FUT9: variants seen among roughly 807,000 people sequenced by gnomAD.
FUT9 encodes fucosyltransferase 9, also known as 4-galactosyl-N-acetylglucosaminide 3-alpha-L-fucosyltransferase 9.
In FUT9, 15 loss-of-function variants were observed where a neutral mutation model predicts 29.7. That is an observed-to-expected ratio of 0.51 (90% CI 0.34 to 0.78). FUT9 has a LOEUF of 0.78. Ranked by LOEUF, FUT9 falls within the 30% of genes least tolerant of loss-of-function variation. The pLI is 0.01. For missense variants in FUT9, 319 were observed against 425.4 expected, an observed-to-expected ratio of 0.75 and a Z score of 2.20; for synonymous variants, 169 against 153.7, an observed-to-expected ratio of 1.10 and a Z score of -0.74.
At chr6:96,152,235 G>T (rs1282501960) in intron 2 of FUT9, among the ~76,000 whole-genome samples, 1 of 152,168 alleles carries the variant, frequency 6.6e-6, no homozygotes, top group Non-Finnish European at 1.5e-5. Flanking sequence ...CGCTGTATAT[G>T]CTGGTAACAT....
intron 2 of FUT9, among the ~76,000 whole-genome samples, chr6:96,160,702 C>T (rs953145292): frequency 1.3e-5 from 2 of 152,038 alleles, no homozygotes; most frequent in Non-Finnish European, 2.9e-5. Flanking sequence ...ATAACTAGCT[C>T]TTATCTATGG....
chr6:96,203,491 C>T lies in FUT9; in HGVS notation c.336C>T (p.Asp112=). The stretch of plus-strand genomic sequence containing the variant: ...ATGCAGTTCTGATCCATCACCGAGA[C>T]ATCAGTTGGGATCTGACAAATTTAC... ...KSHAVLIHHR[D]ISWDLTNLPQ... Residue 112 remains aspartate (D), a synonymous_variant, in exon 3 of 3, where the codon GAC becomes GAT. Coordinates refer to ENST00000302103, the MANE Select transcript of FUT9 (RefSeq NM_006581.4). 1 of 1,611,564 alleles carries T rather than the reference C, an allele frequency of 6.2e-7. No homozygotes were observed. The highest frequency in any genetic ancestry group is 8.5e-7 in the Non-Finnish European group (1 of 1,178,718).
intron 1 of FUT9, among the ~76,000 whole-genome samples, chr6:96,101,418 G>A (rs1771583381): frequency 1.3e-5 from 2 of 151,700 alleles, no homozygotes; most frequent in South Asian, 4.2e-4. Context: ...GGGGGCTGGG[G>A]GGTGCCTGTA....
intron 2 of FUT9, among the ~76,000 whole-genome samples, chr6:96,180,942 AAAAG>A (rs1210400746): frequency 2.6e-5 from 4 of 151,516 alleles, no homozygotes; most frequent in Non-Finnish European, 5.9e-5. Context: ...AAAGAAAAAA[AAAAG>A]AAAAGCAGGA....
In FUT9 at chr6:96,027,317, G is replaced by A. The variant is rs983515545; in HGVS notation, c.-98+11105G>A. On this transcript the variant is annotated intron_variant, in intron 1 of 2. Coordinates refer to ENST00000302103, the MANE Select transcript of FUT9 (RefSeq NM_006581.4). ...CAGAATTTACTTCTATTCTAACCCTGCATTAGAAATTTCAAAGCATCTCGC... is the reference window on the plus strand; with the variant it reads ...CAGAATTTACTTCTATTCTAACCCTACATTAGAAATTTCAAAGCATCTCGC... Among the ~76,000 whole-genome samples the A allele has an allele frequency of 3.3e-5, 5 of 151,744 alleles. No homozygotes were observed. In the East Asian group the frequency reaches 9.7e-4, roughly 29 times the overall value.
chr6:96,057,308 G>A (rs539191802), intron 1 of FUT9, among the ~76,000 whole-genome samples: 1 of 152,112 alleles, frequency 6.6e-6, no homozygotes, highest in Non-Finnish European at 1.5e-5. Context: ...GTAAAATATT[G>A]CAGTTTGAGT....
At chr6:96,194,767 G>C (rs1471508892) in intron 2 of FUT9, among the ~76,000 whole-genome samples, 3 of 151,936 alleles carry the variant, frequency 2.0e-5, no homozygotes, top group South Asian at 2.1e-4. Flanking sequence ...CAGAAGTGCT[G>C]GTGCTGACAG....
At chr6:96,130,876 T>G (rs1772230284) in intron 2 of FUT9, among the ~76,000 whole-genome samples, 1 of 152,184 alleles carries the variant, frequency 6.6e-6, no homozygotes. Context: ...CTTGCTACTC[T>G]GCAGCTATTT....
chr6:96,203,211 T>C lies in FUT9; in HGVS notation c.56T>C (p.Leu19Pro). The C allele has an allele frequency of 6.2e-7, 1 of 1,613,058 alleles. No individual in the cohort carries two copies. The highest frequency in any genetic ancestry group is 1.3e-5 in the African/African-American group (1 of 75,036). The change falls in exon 3 of 3, where the codon CTG becomes CCG. Residue 19 changes from leucine to proline, a missense_variant. Coordinates refer to ENST00000302103, the MANE Select transcript of FUT9 (RefSeq NM_006581.4). ...CCATTTTTAATTGTCTGCATTATCC[T>C]GGGCTGTTTCATGGCATGTCTTCTC... ...LRPFLIVCII[L>P]GCFMACLLIY...
intron 1 of FUT9, among the ~76,000 whole-genome samples, chr6:96,051,000 C>A (rs1290157982): frequency 1.3e-5 from 2 of 148,578 alleles, no homozygotes; most frequent in East Asian, 4.0e-4. Flanking sequence ...TGGATCATGT[C>A]TCTCTCTCTC....
intron 2 of FUT9, among the ~76,000 whole-genome samples, chr6:96,129,307 T>A (rs1189291934): frequency 5.0e-5 from 7 of 140,662 alleles, no homozygotes; most frequent in East Asian, 2.1e-4. Flanking sequence ...CAACCAGCCA[T>A]GGTGGCATGT....
intron 2 of FUT9, among the ~76,000 whole-genome samples, chr6:96,115,029 C>A (rs1004502535): frequency 6.6e-6 from 1 of 152,140 alleles, no homozygotes; most frequent in African/African-American, 2.4e-5. Context: ...AAGCTCCTGT[C>A]TGAGAATATA....
intron 2 of FUT9, among the ~76,000 whole-genome samples, chr6:96,118,570 A>G (rs1408439426): frequency 6.6e-6 from 1 of 152,258 alleles, no homozygotes; most frequent in African/African-American, 2.4e-5. Context: ...AAGGTGCATA[A>G]CAATGATAAT....
intron 2 of FUT9, among the ~76,000 whole-genome samples, chr6:96,169,551 G>C (rs1185739662): frequency 6.6e-6 from 1 of 152,108 alleles, no homozygotes; most frequent in African/African-American, 2.4e-5. Flanking sequence ...GGGAGGTCTC[G>C]ACTGAAGATC....
At chr6:96,099,938 C>T (rs117898655) in intron 1 of FUT9, among the ~76,000 whole-genome samples, 6,547 of 152,070 alleles carry the variant, frequency 0.043, 174 homozygotes, top group East Asian at 0.086. Context: ...CAGTCTGCAA[C>T]AAAAAGGTCA....
At chr6:96,019,276 G>A (rs1253789349) in intron 1 of FUT9, among the ~76,000 whole-genome samples, 1 of 151,806 alleles carries the variant, frequency 6.6e-6, no homozygotes, top group African/African-American at 2.4e-5. Context: ...TCTTATGAAG[G>A]CAAGAGGATT....
intron 2 of FUT9, among the ~76,000 whole-genome samples, chr6:96,165,054 A>G (rs9399799): frequency 0.17 from 26,405 of 152,164 alleles, 2,649 homozygotes; most frequent in East Asian, 0.24. Context: ...GGGTCAGTAT[A>G]AAGTAAGATC....
chr6:96,023,656 A>G (rs1278302893), intron 1 of FUT9, among the ~76,000 whole-genome samples: 1 of 151,918 alleles, frequency 6.6e-6, no homozygotes, highest in Non-Finnish European at 1.5e-5. Flanking sequence ...AATCTGTGCA[A>G]TGGATTCAGT....
intron 1 of FUT9, 93 bp from the exon 2 acceptor site, chr6:96,113,946 A>G (rs1434615446): frequency 6.6e-6 from 1 of 151,966 alleles, no homozygotes; most frequent in Non-Finnish European, 1.5e-5. Flanking sequence ...AGCATGCATT[A>G]TTTCTTTTGG....
Sources: allele counts gnomAD v4.1 joint callset (sites outside exome capture counted in the v4.1 genomes callset), GRCh38; gene constraint gnomAD v4.1.1; transcripts MANE v1.5; gene names NCBI Gene and HGNC (gene_info 2026-07-23, HGNC 2026-07-21).